Variants in SLC2A9 observed in about 807,000 individuals in gnomAD.
The protein encoded by SLC2A9 is solute carrier family 2 member 9, also known as solute carrier family 2, facilitated glucose transporter member 9.
A neutral mutation model predicts 50.6 loss-of-function variants in SLC2A9; 39 were observed. The observed-to-expected ratio is 0.77, with a 90% confidence interval of 0.60 to 1.01. The LOEUF is 1.01. Among genes scored for constraint, SLC2A9 ranks in the 50% least tolerant of loss-of-function variants. The pLI, the probability that SLC2A9 is intolerant of heterozygous loss-of-function variation, is 0.00. For missense variants in SLC2A9, 686 were observed against 677.6 expected (o/e 1.01, Z -0.14); for synonymous variants, 324 against 276.9 (o/e 1.17, Z -1.69).
chr4:10,003,713 G>C (rs1015106094), intron 2 of SLC2A9, among the ~76,000 whole-genome samples: 6 of 152,216 alleles, frequency 3.9e-5, no homozygotes, highest in Non-Finnish European at 8.8e-5. Context: ...CCAAGCTTGA[G>C]ATTTGTGAAC....
chr4:9,956,717 T>G (rs375020377), intron 5 of SLC2A9, among the ~76,000 whole-genome samples: 15 of 151,944 alleles, frequency 9.9e-5, no homozygotes, highest in African/African-American at 3.6e-4. Context: ...TAAAATTTAT[T>G]CATTTGAAGT....
chr4:9,845,055 C>T (rs528339354), intron 10 of SLC2A9, among the ~76,000 whole-genome samples: 1 of 152,164 alleles, frequency 6.6e-6, no homozygotes, highest in Admixed American at 6.5e-5. Context: ...GCTCTGTTGT[C>T]CAGGCTGGAG....
intron 3 of SLC2A9, among the ~76,000 whole-genome samples, chr4:9,793,208 A>T (rs1720182492): frequency 6.6e-6 from 1 of 152,222 alleles, no homozygotes; most frequent in African/African-American, 2.4e-5. Context: ...TGTGTGCTGT[A>T]AGCAAATTTG....
At chr4:9,827,651 G>C (rs1454617187) in intron 11 of SLC2A9, among the ~76,000 whole-genome samples, 1 of 152,148 alleles carries the variant, frequency 6.6e-6, no homozygotes, top group Non-Finnish European at 1.5e-5. Flanking sequence ...GATTGAAAAA[G>C]AGGATAATCA....
chr4:9,866,291 G>T lies in SLC2A9; in HGVS notation c.1291+21276C>A, dbSNP rs552496625. ...TGGCTCAGGGCAGCTCCCCTCTGTTGAGAACACTCTGGGCACACCTCCTCC... is the reference window on the plus strand; with the variant it reads ...TGGCTCAGGGCAGCTCCCCTCTGTTTAGAACACTCTGGGCACACCTCCTCC... On this transcript the variant is annotated intron_variant, in intron 10 of 11. Coordinates refer to ENST00000264784, the MANE Select transcript of SLC2A9 (RefSeq NM_020041.3). Among the ~76,000 whole-genome samples, 11 of 151,922 alleles carry T rather than the reference G, an allele frequency of 7.2e-5. No individual in the cohort carries two copies. The East Asian group carries it at 1.9e-3, about 27-fold the overall frequency.
intron 3 of SLC2A9, among the ~76,000 whole-genome samples, chr4:9,787,908 T>C (rs1249622837): frequency 6.6e-6 from 1 of 152,244 alleles, no homozygotes; most frequent in African/African-American, 2.4e-5. Context: ...CTCATGAGGT[T>C]ACGGTGCTGT....
intron 1 of SLC2A9, among the ~76,000 whole-genome samples, chr4:10,031,490 AAGG>A (rs1192804631): frequency 6.6e-6 from 1 of 152,250 alleles, no homozygotes; most frequent in South Asian, 2.1e-4. Context: ...CCACGTGGGT[AAGG>A]AGGCCTCTCT....
Position 9,871,875 on chromosome 4 carries a change from C to T in SLC2A9, c.1291+15692G>A, listed in dbSNP as rs143700133. 7.1e-4 allele frequency among the ~76,000 whole-genome samples: 108 copies of T among 152,260 alleles called. 1 individual carries two copies. Among genetic ancestry groups the T allele is most frequent in the Non-Finnish European group, 1.3e-3 (91 of 68,030 alleles). ...ATAAGATGGTCTGTCTCCTGGGCTGCCATGAGGATTGAATGAGGTGAATTG... is the reference window on the plus strand; with the variant it reads ...ATAAGATGGTCTGTCTCCTGGGCTGTCATGAGGATTGAATGAGGTGAATTG... On this transcript the variant is annotated intron_variant, in intron 10 of 11. Coordinates refer to ENST00000264784, the MANE Select transcript of SLC2A9 (RefSeq NM_020041.3).
intron 9 of SLC2A9, 64 bp from the exon 10 acceptor site, chr4:9,887,706 C>A: frequency 1.5e-6 from 2 of 1,299,822 alleles, no homozygotes; most frequent in Admixed American, 3.1e-5. Context: ...CCTGAGTTCC[C>A]ACCCCAGCTC....
At chr4:9,841,988 A>G (rs1205833771) in intron 10 of SLC2A9, among the ~76,000 whole-genome samples, 3 of 152,204 alleles carry the variant, frequency 2.0e-5, no homozygotes, top group African/African-American at 4.8e-5. Context: ...GCTGTTTTCT[A>G]AAGAGTGGAG....
At chr4:9,909,138 C>G (rs753515233) in intron 7 of SLC2A9, among the ~76,000 whole-genome samples, 4 of 152,184 alleles carry the variant, frequency 2.6e-5, no homozygotes, top group Non-Finnish European at 5.9e-5. Context: ...TTGGGTAATG[C>G]ACAACCTGTT....
At chr4:9,843,962 G>C (rs1181499542) in intron 10 of SLC2A9, among the ~76,000 whole-genome samples, 2 of 152,006 alleles carry the variant, frequency 1.3e-5, no homozygotes, top group African/African-American at 4.8e-5. Context: ...TCTTGCCTTA[G>C]TAGCACATGC....
At chr4:9,956,880 GC>G (rs1361160627) in intron 5 of SLC2A9, among the ~76,000 whole-genome samples, 4 of 152,186 alleles carry the variant, frequency 2.6e-5, no homozygotes, top group Non-Finnish European at 4.4e-5. Flanking sequence ...ACATGGGAAT[GC>G]AAGAAATGGC....
chr4:9,863,015 G>A (rs996539763), intron 10 of SLC2A9, among the ~76,000 whole-genome samples: 1 of 152,026 alleles, frequency 6.6e-6, no homozygotes, highest in Non-Finnish European at 1.5e-5. Flanking sequence ...GCCCCGCCCA[G>A]GGAGGCCAAC....
At chr4:9,950,245 A>G (rs1344780578) in intron 5 of SLC2A9, among the ~76,000 whole-genome samples, 1 of 152,228 alleles carries the variant, frequency 6.6e-6, no homozygotes, top group East Asian at 1.9e-4. Flanking sequence ...AGGTATCTCA[A>G]GAACATGGGC....
chr4:9,818,164 A>G (rs1414645112), intron 3 of SLC2A9, among the ~76,000 whole-genome samples: 2 of 152,082 alleles, frequency 1.3e-5, no homozygotes, highest in African/African-American at 4.8e-5. Context: ...AGCCATGCTG[A>G]GCGGGTGTCC....
chr4:9,932,188 C>A (rs1484807832), intron 6 of SLC2A9, among the ~76,000 whole-genome samples: 3 of 151,592 alleles, frequency 2.0e-5, no homozygotes, highest in Admixed American at 1.3e-4. Flanking sequence ...CATGTTCCCA[C>A]AGCAAGTAAG....
At chr4:9,779,322 A>G (rs1245265476), downstream of SLC2A9, among the ~76,000 whole-genome samples, 1 of 152,118 alleles carries the variant, frequency 6.6e-6, no homozygotes, top group Non-Finnish European at 1.5e-5. Flanking sequence ...ACACTTAGAT[A>G]AGGCTGTGAA....
chr4:9,775,333 G>A (rs1717408679), downstream of SLC2A9, among the ~76,000 whole-genome samples: 1 of 152,144 alleles, frequency 6.6e-6, no homozygotes, highest in East Asian at 1.9e-4. Context: ...TCATGGCTGA[G>A]CCTCAGCCCC....
Sources: allele counts gnomAD v4.1 joint callset (sites outside exome capture counted in the v4.1 genomes callset), GRCh38; gene constraint gnomAD v4.1.1; transcripts MANE v1.5; gene names NCBI Gene and HGNC (gene_info 2026-07-23, HGNC 2026-07-21).